VPS13B: variants seen among roughly 807,000 people sequenced by gnomAD.
VPS13B encodes the protein intermembrane lipid transfer protein VPS13B.
Under a neutral mutation model 426.4 loss-of-function variants are expected in VPS13B, and 285 were observed. The ratio of observed to expected loss-of-function variants is 0.67; its 90% CI spans 0.61 to 0.74. The LOEUF (loss-of-function observed/expected upper bound fraction) is 0.74. Ranked by LOEUF, VPS13B falls within the 30% of genes least tolerant of loss-of-function variation. VPS13B has a pLI of 0.00. For synonymous variants in VPS13B, 1,676 were observed against 1,676.4 expected (o/e 1.00, Z 0.01); for missense variants, 4,537 against 4,782.6 (o/e 0.95, Z 1.51).
At chr8:99,496,167 T>C (rs562557106) in intron 25 of VPS13B, among the ~76,000 whole-genome samples, 106 of 152,318 alleles carry the variant, frequency 7.0e-4, no homozygotes, top group Middle Eastern at 3.4e-3. Context: ...CACTGTTGCA[T>C]TGGTTTTAAA....
At chr8:99,052,050 A>C (rs1264568227) in intron 3 of VPS13B, among the ~76,000 whole-genome samples, 1 of 151,068 alleles carries the variant, frequency 6.6e-6, no homozygotes, top group Non-Finnish European at 1.5e-5. Flanking sequence ...TGCCCTGGCC[A>C]GAACTTCCAA....
In VPS13B at chr8:99,325,863, T is replaced by C. The variant is rs572205101; in HGVS notation, c.2824+50609T>C. ...ATCTACATTCCAAATAATTAAATCA[T>C]GCATTCCTTTTACGGCCCTTAGTAT... On this transcript the variant is annotated intron_variant, in intron 19 of 61. Transcript: ENST00000357162. 1.1e-4 allele frequency among the ~76,000 whole-genome samples: 17 copies of C among 152,352 alleles called. No individual in the cohort carries two copies. The South Asian group carries it at 3.5e-3, about 32-fold the overall frequency.
chr8:99,477,997 C>A (rs1335936588), intron 24 of VPS13B, among the ~76,000 whole-genome samples: 35 of 151,786 alleles, frequency 2.3e-4, no homozygotes. Context: ...TCCTGTAATC[C>A]CAGCGACTTG....
intron 22 of VPS13B, among the ~76,000 whole-genome samples, chr8:99,433,068 A>G (rs1403125463): frequency 1.3e-5 from 2 of 152,228 alleles, no homozygotes; most frequent in African/African-American, 2.4e-5. Context: ...AGCTAACCCT[A>G]GAAGAATCAG....
chr8:99,820,040 A>G lies in VPS13B; in HGVS notation c.8912A>G (p.Lys2971Arg), dbSNP rs375393153. 2.5e-6 allele frequency: 4 copies of G among 1,614,004 alleles called. No homozygotes were observed. The South Asian group carries it at 4.4e-5, about 18-fold the overall frequency. The change falls in exon 49 of 62, where the codon AAA becomes AGA. Residue 2971 changes from lysine to arginine, a missense_variant. Around this residue, in one of 2 missense-constraint regions of VPS13B, gnomAD observed 4,311 missense variants for 4,474.3 expected, o/e 0.96. Coordinates refer to ENST00000357162, the MANE Select transcript of VPS13B (RefSeq NM_152564.5). ...TGGGCCCTGCTTATCAATGAATCCA[A>G]ATGGGACCTCTGGCTATTTGAAGGA... Reference protein sequence around the residue: ...LPWALLINESKWDLWLFEGEK... With the variant: ...LPWALLINESRWDLWLFEGEK...
rs761736983 is a variant in VPS13B at position 99,720,488 on chromosome 8, AT to A, written c.6804del (p.Phe2268LeufsTer24). 5 of 1,614,090 alleles carry A rather than the reference AT, an allele frequency of 3.1e-6. No homozygotes were observed. In the South Asian group the frequency reaches 5.5e-5, roughly 18 times the overall value. On this transcript the variant is annotated frameshift_variant, in exon 38 of 62. Coordinates refer to ENST00000357162, the MANE Select transcript of VPS13B (RefSeq NM_152564.5). LOFTEE classifies it high-confidence loss of function. Reference protein sequence around the residue: ...MSSPVEKNQTFKSEQSSDDLR... With the variant: ...MSSPVEKNQTXKSEQSSDDLR... Reference sequence around the variant, plus strand: ...CATCTCCTGTGGAAAAGAATCAGACATTTAAAAGTGAACAAAGTTCAGATGA... The same window carrying A: ...CATCTCCTGTGGAAAAGAATCAGACATTAAAAGTGAACAAAGTTCAGATGA...
intron 21 of VPS13B, among the ~76,000 whole-genome samples, chr8:99,421,169 G>A (rs1253728339): frequency 6.6e-6 from 1 of 152,026 alleles, no homozygotes; most frequent in African/African-American, 2.4e-5. Flanking sequence ...TTTTCCATGG[G>A]ACAGAAATGA....
intron 14 of VPS13B, among the ~76,000 whole-genome samples, chr8:99,152,865 A>G (rs969819886): frequency 6.6e-6 from 1 of 152,144 alleles, no homozygotes; most frequent in Non-Finnish European, 1.5e-5. Context: ...CTTTTAATCT[A>G]CAAGTGTCTA....
chr8:99,287,232 GTCTATCTATCTATCTATCTA>G (rs58719967), intron 19 of VPS13B, among the ~76,000 whole-genome samples: 83 of 139,138 alleles, frequency 6.0e-4, no homozygotes, highest in African/African-American at 1.9e-3. Flanking sequence ...CTATCTGTCT[GTCTATCTATCTATCTATCTA>G]TCTATCTATC....
chr8:99,325,887 A>G (rs561211009), intron 19 of VPS13B, among the ~76,000 whole-genome samples: 34 of 152,250 alleles, frequency 2.2e-4, no homozygotes, highest in Non-Finnish European at 4.0e-4. Flanking sequence ...GGCCCTTAGT[A>G]TCTCAACCAA....
At chr8:99,248,515 T>C (rs1274070872) in intron 17 of VPS13B, among the ~76,000 whole-genome samples, 3 of 152,182 alleles carry the variant, frequency 2.0e-5, no homozygotes, top group Admixed American at 6.5e-5. Context: ...TGAAGTTGGT[T>C]GATGAACATT....
At chr8:99,290,182 G>A (rs531815040) in intron 19 of VPS13B, among the ~76,000 whole-genome samples, 8 of 152,092 alleles carry the variant, frequency 5.3e-5, no homozygotes, top group African/African-American at 1.9e-4. Flanking sequence ...TGATGGAGAC[G>A]TACAGGTAAG....
chr8:99,777,027 G>C, intron 41 of VPS13B, 71 bp downstream of exon 41: 1 of 1,527,626 alleles, frequency 6.5e-7, no homozygotes, highest in Non-Finnish European at 9.1e-7. Flanking sequence ...GTTTTCAAAA[G>C]AGAAGTCAAC....
At chr8:99,305,204 A>G (rs1267788329) in intron 19 of VPS13B, among the ~76,000 whole-genome samples, 1 of 152,126 alleles carries the variant, frequency 6.6e-6, no homozygotes, top group Non-Finnish European at 1.5e-5. Flanking sequence ...GTAACTTCAT[A>G]TGAATACAGT....
At position 99,096,392 on chromosome 8, in the gene VPS13B, A is replaced by G. The variant is rs752604752; in HGVS notation, c.372A>G (p.Arg124=). 2.5e-6 allele frequency: 4 copies of G among 1,614,102 alleles called. No homozygotes were observed. The South Asian group carries it at 3.3e-5, about 13-fold the overall frequency. Residue 124 remains arginine, a synonymous_variant, in exon 4 of 62, where the codon AGA becomes AGG. Coordinates refer to ENST00000357162, the MANE Select transcript of VPS13B (RefSeq NM_152564.5). ...ESTKSSIKPR[R]MQQAAPTDPD... is the part of the protein sequence containing the mutation. ...CAAAATCATCAATCAAACCGCGGAG[A>G]ATGCAGCAGGCTGCTCCTACAGATC...
intron 19 of VPS13B, among the ~76,000 whole-genome samples, chr8:99,373,890 T>G (rs1409413817): frequency 6.6e-6 from 1 of 152,090 alleles, no homozygotes; most frequent in Non-Finnish European, 1.5e-5. Context: ...ATATTTACCC[T>G]TTGTTCTTCA....
Position 99,085,025 on chromosome 8 carries a change from G to A in VPS13B, c.292-11287G>A, listed in dbSNP as rs574205444. 2.6e-5 allele frequency among the ~76,000 whole-genome samples: 4 copies of A among 152,078 alleles called. No individual in the cohort carries two copies. In the South Asian group the frequency reaches 6.2e-4, roughly 24 times the overall value. On this transcript the variant is annotated intron_variant, in intron 3 of 61. Coordinates refer to ENST00000357162, the MANE Select transcript of VPS13B (RefSeq NM_152564.5). ...GGATATCCTTGTTAATTTCTGTCTC[G>A]TTGATCTGTGTGATGTTGACAGTGG...
At chr8:99,051,355 T>C (rs959769616) in intron 3 of VPS13B, among the ~76,000 whole-genome samples, 1 of 152,108 alleles carries the variant, frequency 6.6e-6, no homozygotes, top group African/African-American at 2.4e-5. Flanking sequence ...TGCGGCATTA[T>C]TTCTGAGGGC....
At chr8:99,460,937 C>T (rs1049310015) in intron 23 of VPS13B, among the ~76,000 whole-genome samples, 3 of 152,152 alleles carry the variant, frequency 2.0e-5, no homozygotes, top group Admixed American at 6.6e-5. Flanking sequence ...TCTCACTCTT[C>T]GTATCCTAAG....
Sources: gnomAD v4.1 joint callset for allele counts (sites outside exome capture counted in the v4.1 genomes callset) on GRCh38, gnomAD v4.1.1 for gene constraint, gnomAD v4.1.1 regional missense constraint, MANE v1.5 for transcripts, NCBI Gene and HGNC (gene_info 2026-07-23, HGNC 2026-07-21) for gene names.